PID1: variants seen among roughly 807,000 people sequenced by gnomAD.
PID1 encodes PTB-containing, cubilin and LRP1-interacting protein.
PID1 carries 10 observed loss-of-function variants against 19.1 expected under a neutral mutation model. The ratio of observed to expected loss-of-function variants is 0.52; its 90% CI spans 0.32 to 0.89. The LOEUF is 0.89. Ranked by LOEUF, PID1 falls within the 40% of genes least tolerant of loss-of-function variation. The pLI, the probability that PID1 is intolerant of heterozygous loss-of-function variation, is 0.03. For missense variants in PID1, 248 were observed against 285.3 expected, an observed-to-expected ratio of 0.87 and a Z score of 0.94; for synonymous variants, 130 against 116.0, an observed-to-expected ratio of 1.12 and a Z score of -0.78.
At chr2:229,138,935 G>C (rs1689914343) in intron 2 of PID1, among the ~76,000 whole-genome samples, 1 of 148,236 alleles carries the variant, frequency 6.7e-6, no homozygotes, top group Non-Finnish European at 1.5e-5. Context: ...AAAGAAGTAA[G>C]AGAAAAGGGG....
intron 2 of PID1, among the ~76,000 whole-genome samples, chr2:229,068,196 T>C (rs1559218434): frequency 6.6e-6 from 1 of 152,100 alleles, no homozygotes; most frequent in Non-Finnish European, 1.5e-5. Context: ...TGCCCTGGCA[T>C]TGAGAAGGGA....
At chr2:229,054,928 A>G (rs1694069083) in intron 2 of PID1, among the ~76,000 whole-genome samples, 1 of 152,130 alleles carries the variant, frequency 6.6e-6, no homozygotes, top group Non-Finnish European at 1.5e-5. Flanking sequence ...TCTTTTTCTG[A>G]AAGTTACTGT....
chr2:229,086,910 TAC>T (rs3083831), intron 2 of PID1, among the ~76,000 whole-genome samples: 1,588 of 150,146 alleles, frequency 0.011, 13 homozygotes, highest in Non-Finnish European at 0.015. Context: ...CACACGTGTG[TAC>T]ACACACACAC....
intron 2 of PID1, among the ~76,000 whole-genome samples, chr2:229,054,653 AT>A (rs1413909036): frequency 1.5e-5 from 2 of 132,962 alleles, no homozygotes; most frequent in Non-Finnish European, 3.1e-5. Context: ...ATAAGGGAGT[AT>A]TTTACAACTG....
At chr2:229,145,146 T>C (rs1369752720) in intron 2 of PID1, among the ~76,000 whole-genome samples, 2 of 102,980 alleles carry the variant, frequency 1.9e-5, no homozygotes, top group Non-Finnish European at 1.9e-5. Context: ...AGTTTAAATA[T>C]ATGTATGTGT....
intron 1 of PID1, among the ~76,000 whole-genome samples, chr2:229,263,434 T>C (rs1690509847): frequency 4.6e-5 from 7 of 152,204 alleles, no homozygotes; most frequent in Non-Finnish European, 1.5e-5. Flanking sequence ...TTGTTATTCA[T>C]GAAGGTAAAG....
chr2:229,249,816 AGGCGGCT>A (rs1690104853), intron 1 of PID1, among the ~76,000 whole-genome samples: 1 of 112,280 alleles, frequency 8.9e-6, no homozygotes, highest in Non-Finnish European at 2.2e-5. Context: ...TGGGCAGGGC[AGGCGGCT>A]GACAGGAGTA....
intron 2 of PID1, among the ~76,000 whole-genome samples, chr2:229,107,649 T>C (rs1225976088): frequency 6.6e-6 from 1 of 152,202 alleles, no homozygotes; most frequent in Non-Finnish European, 1.5e-5. Flanking sequence ...TTTCTTATAA[T>C]CAAGTTGTCG....
At chr2:229,217,205 T>C (rs1227039943) in intron 1 of PID1, among the ~76,000 whole-genome samples, 1 of 152,188 alleles carries the variant, frequency 6.6e-6, no homozygotes, top group African/African-American at 2.4e-5. Flanking sequence ...GACGATTCTA[T>C]CCAGAGCATA....
chr2:229,080,112 G>T (rs1453628603), intron 2 of PID1, among the ~76,000 whole-genome samples: 3 of 152,310 alleles, frequency 2.0e-5, no homozygotes, highest in Admixed American at 1.3e-4. Context: ...CACCTCAGCG[G>T]CTGCCTGGCC....
At chr2:229,251,110 C>A (rs910455281) in intron 1 of PID1, among the ~76,000 whole-genome samples, 2 of 152,184 alleles carry the variant, frequency 1.3e-5, no homozygotes, top group African/African-American at 4.8e-5. Flanking sequence ...ATCCTTTTTA[C>A]ATCCAAAATG....
intron 2 of PID1, among the ~76,000 whole-genome samples, chr2:229,155,314 C>A (rs1690342701): frequency 6.6e-6 from 1 of 152,046 alleles, no homozygotes; most frequent in South Asian, 2.1e-4. Flanking sequence ...CATCTGTAAT[C>A]CCAGCACTTT....
chr2:229,110,461 GA>G (rs1388611166), intron 2 of PID1, among the ~76,000 whole-genome samples: 2 of 152,178 alleles, frequency 1.3e-5, no homozygotes, highest in Non-Finnish European at 2.9e-5. Flanking sequence ...CTAGGAATGG[GA>G]GGTACAGCCA....
chr2:229,194,029 C>T (rs1691319601), intron 1 of PID1, among the ~76,000 whole-genome samples: 1 of 152,072 alleles, frequency 6.6e-6, no homozygotes, highest in African/African-American at 2.4e-5. Flanking sequence ...GAATAATCTC[C>T]AGTCCCTTGC....
At chr2:229,187,248 G>A (rs925800329) in intron 1 of PID1, among the ~76,000 whole-genome samples, 1 of 152,146 alleles carries the variant, frequency 6.6e-6, no homozygotes, top group African/African-American at 2.4e-5. Flanking sequence ...CAGTTCCAAA[G>A]TCACTTCCTC....
intron 1 of PID1, among the ~76,000 whole-genome samples, chr2:229,205,879 T>G (rs962575403): frequency 6.6e-6 from 1 of 152,180 alleles, no homozygotes; most frequent in African/African-American, 2.4e-5. Flanking sequence ...AAATCCATAG[T>G]GGACCATTAA....
chr2:229,141,600 C>T (rs1690012575), intron 2 of PID1, among the ~76,000 whole-genome samples: 1 of 151,906 alleles, frequency 6.6e-6, no homozygotes, highest in Admixed American at 6.6e-5. Flanking sequence ...TCATAAGTGT[C>T]ACGAAAACAA....
chr2:229,244,977 T>C (rs936445397), intron 1 of PID1: 4 of 152,124 alleles, frequency 2.6e-5, no homozygotes, highest in East Asian at 3.9e-4. Context: ...CTTCAGGTAA[T>C]AGAAAGGGAG....
At chr2:229,157,088 C>T (rs1245361515) in intron 1 of PID1, among the ~76,000 whole-genome samples, 3 of 152,102 alleles carry the variant, frequency 2.0e-5, no homozygotes, top group Non-Finnish European at 4.4e-5. Flanking sequence ...ACTCATGCCT[C>T]GCTTCATGTG....
Sources: allele counts gnomAD v4.1 joint callset (sites outside exome capture counted in the v4.1 genomes callset), GRCh38; gene constraint gnomAD v4.1.1; transcripts MANE v1.5; gene names NCBI Gene and HGNC (gene_info 2026-07-23, HGNC 2026-07-21).